Variants in RYR2 observed in about 807,000 individuals in gnomAD.
RYR2 encodes ryanodine receptor 2.
A neutral mutation model predicts 601.1 loss-of-function variants in RYR2; 227 were observed. That is an observed-to-expected ratio of 0.38 (90% CI 0.34 to 0.42). The LOEUF is 0.42. Ranked by LOEUF, RYR2 falls within the 10% of genes least tolerant of loss-of-function variation. RYR2 has a pLI of 1.00. For missense variants in RYR2, 4,646 were observed against 6,156.5 expected (o/e 0.75, Z 8.21); for synonymous variants, 2,223 against 2,175.1 (o/e 1.02, Z -0.61).
At position 237,378,039 on chromosome 1, in the gene RYR2, A is replaced by G. The variant is rs112098311; in HGVS notation, c.576+604A>G. Among the ~76,000 whole-genome samples the G allele has an allele frequency of 4.6e-3, 703 of 152,334 alleles. 8 individuals are homozygous for G. Among genetic ancestry groups the G allele is most frequent in the African/African-American group, 0.016 (678 of 41,572 alleles). On this transcript the variant is annotated intron_variant, in intron 8 of 104. Transcript: ENST00000366574. ...AGACACACCCAAAACTGGGCAATTT[A>G]CAAAAGAAAGAGGTTTGTTGGACTT...
intron 54 of RYR2, among the ~76,000 whole-genome samples, chr1:237,658,391 T>C (rs901751507): frequency 2.0e-5 from 3 of 152,098 alleles, no homozygotes; most frequent in Non-Finnish European, 2.9e-5. Context: ...TGGTTTTATA[T>C]GTAGGTTTTT....
At chr1:237,072,134 C>T (rs1365961004) in intron 1 of RYR2, among the ~76,000 whole-genome samples, 5 of 152,138 alleles carry the variant, frequency 3.3e-5, no homozygotes, top group African/African-American at 1.2e-4. Flanking sequence ...ATGGGGCTCC[C>T]GTTCTGACAA....
intron 2 of RYR2, among the ~76,000 whole-genome samples, chr1:237,311,068 A>T (rs543473777): frequency 6.6e-6 from 1 of 152,332 alleles, no homozygotes; most frequent in African/African-American, 2.4e-5. Context: ...GCACTAATTG[A>T]GTGTCAGCAT....
At chr1:237,780,456 C>T (rs151068524) in intron 88 of RYR2, among the ~76,000 whole-genome samples, 9 of 152,220 alleles carry the variant, frequency 5.9e-5, no homozygotes, top group African/African-American at 7.2e-5. Context: ...AGAAAGAAAA[C>T]GTCTCATCTT....
intron 17 of RYR2, among the ~76,000 whole-genome samples, chr1:237,477,449 C>G (rs1330276097): frequency 6.6e-6 from 1 of 152,148 alleles, no homozygotes; most frequent in Non-Finnish European, 1.5e-5. Flanking sequence ...GCACATCCAC[C>G]TGGCCTGTTT....
chr1:237,722,320 A>C (rs1471940252), intron 73 of RYR2, among the ~76,000 whole-genome samples: 1 of 151,864 alleles, frequency 6.6e-6, no homozygotes, highest in Non-Finnish European at 1.5e-5. Context: ...GGTATTTTAT[A>C]TTTTGTTTTA....
chr1:237,696,995 T>G (rs917143782), intron 63 of RYR2, among the ~76,000 whole-genome samples: 3 of 152,082 alleles, frequency 2.0e-5, no homozygotes, highest in African/African-American at 7.2e-5. Flanking sequence ...GCTCAAAACC[T>G]AAGAATGTCT....
chr1:237,380,326 A>G (rs1197857132), intron 8 of RYR2, among the ~76,000 whole-genome samples: 6 of 134,024 alleles, frequency 4.5e-5, no homozygotes, highest in African/African-American at 1.1e-4. Flanking sequence ...GGCTGTGTGT[A>G]TATATATGCA....
intron 91 of RYR2, 30 bp downstream of exon 91, chr1:237,786,066 C>A: frequency 1.4e-6 from 2 of 1,402,484 alleles, no homozygotes; most frequent in South Asian, 1.2e-5. Flanking sequence ...ACTTTTCCTT[C>A]GTTTCAGTTT....
At chr1:237,377,975 A>G (rs964410256) in intron 8 of RYR2, among the ~76,000 whole-genome samples, 1 of 152,228 alleles carries the variant, frequency 6.6e-6, no homozygotes, top group African/African-American at 2.4e-5. Flanking sequence ...GTGTTTAATC[A>G]TGAAATGCTG....
chr1:237,356,430 CTTT>C (rs35812890), intron 4 of RYR2, among the ~76,000 whole-genome samples: 2 of 145,002 alleles, frequency 1.4e-5, no homozygotes, highest in Admixed American at 6.9e-5. Context: ...GTCATAGAAC[CTTT>C]TTTTTTTTTT....
rs1302692313 is a variant in RYR2 at position 237,702,068 on chromosome 1, G to A, written c.9449+9G>A. 3 of 1,489,484 alleles carry A rather than the reference G, an allele frequency of 2.0e-6. No individual in the cohort carries two copies. Among genetic ancestry groups the A allele is most frequent in the African/African-American group, 1.4e-5 (1 of 72,330 alleles). The allele number at this position is 1,489,484 out of a possible 1,614,324, so 92.3% of individuals were successfully genotyped here. A position where few individuals can be genotyped will look rare whatever the true frequency, so the allele number is the denominator to read the frequency against. On this transcript the variant is annotated intron_variant, in intron 66 of 104. Transcript: ENST00000366574. ...AGTATTTACGTGGAGAGGTAAGAATGTTTAAAGTTTAACTTTGTATTAATT... is the reference window on the plus strand; with the variant it reads ...AGTATTTACGTGGAGAGGTAAGAATATTTAAAGTTTAACTTTGTATTAATT...
intron 47 of RYR2, among the ~76,000 whole-genome samples, chr1:237,641,801 C>T (rs1433455335): frequency 2.6e-5 from 4 of 152,212 alleles, no homozygotes; most frequent in Non-Finnish European, 5.9e-5. Flanking sequence ...CTCGGCCTCC[C>T]AAAGTGCTGG....
At chr1:237,714,832 T>A (rs1267998107) in intron 71 of RYR2, among the ~76,000 whole-genome samples, 2 of 149,646 alleles carry the variant, frequency 1.3e-5, no homozygotes, top group South Asian at 4.2e-4. Context: ...CTACTAAAAA[T>A]ACAAAAAAAA....
rs1028749181 is a variant in RYR2 at position 237,593,333 on chromosome 1, A to G, written c.4276-143A>G. The G allele has an allele frequency of 6.1e-5, 41 of 672,842 alleles. No homozygotes were observed. The Admixed American group carries it at 1.4e-3, about 23-fold the overall frequency. 41.7% of individuals were successfully genotyped at this position (672,842 alleles called of 1,614,324 possible). A position where few individuals can be genotyped will look rare whatever the true frequency, so the allele number is the denominator to read the frequency against. Reference sequence around the variant, plus strand: ...GTAGTGTTAGTCCTTTGTGCCTACAATATTTTCATTCACCCAAACGGTTTT... The same window carrying G: ...GTAGTGTTAGTCCTTTGTGCCTACAGTATTTTCATTCACCCAAACGGTTTT... On this transcript the variant is annotated intron_variant, in intron 32 of 104. Transcript: ENST00000366574.
Position 237,563,062 on chromosome 1 carries a change from CT to C in RYR2, c.3215-3504del, listed in dbSNP as rs1304508220. ...TTTTAGCAAGAGGTATAATGTTGAA[CT>C]GTTGCTTCTTTAAAACGTAGTTGCA... On this transcript the variant is annotated intron_variant, in intron 27 of 104. Coordinates refer to ENST00000366574, the MANE Select transcript of RYR2 (RefSeq NM_001035.3). 4.6e-5 allele frequency among the ~76,000 whole-genome samples: 7 copies of C among 152,248 alleles called. No individual in the cohort carries two copies. In the East Asian group the frequency reaches 1.4e-3, roughly 29 times the overall value.
chr1:237,130,021 G>T (rs142913848), intron 1 of RYR2, among the ~76,000 whole-genome samples: 1 of 152,246 alleles, frequency 6.6e-6, no homozygotes, highest in African/African-American at 2.4e-5. Flanking sequence ...TTGTGAATAA[G>T]TTCTGGAGAT....
At chr1:237,212,500 G>T (rs1237968848) in intron 1 of RYR2, among the ~76,000 whole-genome samples, 1 of 151,946 alleles carries the variant, frequency 6.6e-6, no homozygotes, top group African/African-American at 2.4e-5. Context: ...AGCTACTTTG[G>T]AGGCTGCTGC....
intron 57 of RYR2, among the ~76,000 whole-genome samples, chr1:237,667,636 T>TTAA (rs1684441652): frequency 6.6e-6 from 1 of 152,226 alleles, no homozygotes; most frequent in Non-Finnish European, 1.5e-5. Context: ...CATTATTGAA[T>TTAA]TAATGTCTTC....
Sources: gnomAD v4.1 joint callset for allele counts (sites outside exome capture counted in the v4.1 genomes callset) on GRCh38, gnomAD v4.1.1 for gene constraint, MANE v1.5 for transcripts, NCBI Gene and HGNC (gene_info 2026-07-23, HGNC 2026-07-21) for gene names.